The following ERCC2 variants were observed in gnomAD, a reference collection of about 807,000 sequenced individuals.
ERCC2 encodes the protein ERCC excision repair 2, TFIIH core complex helicase subunit.
In ERCC2, 90 loss-of-function variants were observed where a neutral mutation model predicts 99.4. The observed-to-expected ratio is 0.91, with a 90% CI of 0.76 to 1.08. The LOEUF (loss-of-function observed/expected upper bound fraction) is 1.08, where lower values mean the gene tolerates loss of function less well. ERCC2 is among the 50% of genes least tolerant of loss of function. The probability of loss-of-function intolerance (pLI) is 0.00; values close to 1 mark genes in which losing one functional copy is unlikely to be tolerated. For synonymous variants in ERCC2, 497 were observed against 432.4 expected (o/e 1.15, Z -1.85); for missense variants, 993 against 1,038.1 (o/e 0.96, Z 0.60).
At chr19:45,359,860 C>T (rs1972149733) in intron 12 of ERCC2, among the ~76,000 whole-genome samples, 3 of 150,850 alleles carry the variant, frequency 2.0e-5, no homozygotes, top group Admixed American at 6.6e-5. Context: ...CTGCAACCTC[C>T]GCCTCCCGGG....
intron 12 of ERCC2, chr19:45,358,837 T>C: frequency 1.3e-6 from 1 of 780,900 alleles, no homozygotes; most frequent in Non-Finnish European, 2.4e-6. Context: ...GGTTTTCCCA[T>C]CTGGAATATA....
intron 17 of ERCC2, among the ~76,000 whole-genome samples, chr19:45,354,430 G>A (rs1024302385): frequency 1.3e-5 from 2 of 152,210 alleles, no homozygotes; most frequent in African/African-American, 2.4e-5. Flanking sequence ...TAACAGGGAT[G>A]GGTAACCCCA....
chr19:45,361,816 T>C, intron 11 of ERCC2, 174 bp from the exon 12 acceptor site: 1 of 658,420 alleles, frequency 1.5e-6, no homozygotes, highest in Non-Finnish European at 2.8e-6. Context: ...TACACCTGCA[T>C]GTCACAAATA....
chr19:45,351,234 G>C lies in ERCC2; in HGVS notation c.*395C>G. On this transcript the variant is annotated 3_prime_UTR_variant, in exon 23 of 23. Transcript: ENST00000391945. ...CTGGACCTGGAGCTGGAGGGTGGAT[G>C]TAACACTTGCCCCTCACCTCCCCTC... 1 of 1,588,730 alleles carries C rather than the reference G, an allele frequency of 6.3e-7. No homozygotes were observed. Among genetic ancestry groups the C allele is most frequent in the Non-Finnish European group, 8.6e-7 (1 of 1,167,294 alleles).
chr19:45,350,700 G>GAAGCTGGTCT lies in ERCC2; in HGVS notation c.*919_*928dup, dbSNP rs1294836598. On this transcript the variant is annotated 3_prime_UTR_variant, in exon 23 of 23. Transcript: ENST00000391945. ...GTGAGTCTATCAGGCGAGGAAGTGA[G>GAAGCTGGTCT]AAGCTGGTCTCCCGGCTCCGAGGCG... is the stretch of plus-strand genomic sequence containing the variant. 1.2e-5 allele frequency: 19 copies of GAAGCTGGTCT among 1,613,636 alleles called. No individual in the cohort carries two copies. Among genetic ancestry groups the GAAGCTGGTCT allele is most frequent in the Non-Finnish European group, 1.6e-5 (19 of 1,179,944 alleles).
intron 15 of ERCC2, among the ~76,000 whole-genome samples, chr19:45,356,172 G>A (rs900966097): frequency 3.9e-5 from 6 of 152,070 alleles, no homozygotes; most frequent in East Asian, 1.9e-4. Flanking sequence ...GCCGGATCCC[G>A]AAGAACACCC....
rs201544860 is a variant in ERCC2, at chr19:45,364,590, A to AACCCCT, written c.595-49_595-44dup. 1.4e-4 allele frequency: 230 copies of AACCCCT among 1,608,740 alleles called. 2 individuals are homozygous for AACCCCT. The South Asian group carries it at 2.3e-3, about 16-fold the overall frequency. ...AGGGTTACCAGGGCCCTGCCACCCC[A>AACCCCT]ACCCCTACCCCTACCCCTGGCCACA... is the stretch of plus-strand genomic sequence containing the variant. On this transcript the variant is annotated intron_variant, in intron 7 of 22. Coordinates refer to ENST00000391945, the MANE Select transcript of ERCC2 (RefSeq NM_000400.4).
rs1313908039 is a variant in ERCC2, at chr19:45,354,793, G to A, written c.1602C>T (p.Gly534=). The change falls in exon 17 of 23, where the codon GGC becomes GGT. Residue 534 remains glycine (G), a synonymous_variant. Coordinates refer to ENST00000391945, the MANE Select transcript of ERCC2 (RefSeq NM_000400.4). ...LLEMSAVVPD[G]IVAFFTSYQY... ...GGTAGCTGGTGAAGAAGGCCACGAT[G>A]CCATCAGGGACCACAGCGGACATCT... 6 of 1,614,130 alleles carry A rather than the reference G, an allele frequency of 3.7e-6. No individual in the cohort carries two copies. Among genetic ancestry groups the A allele is most frequent in the Non-Finnish European group, 3.4e-6 (4 of 1,179,980 alleles).
chr19:45,355,813 GCTT>G (rs1443108646), intron 15 of ERCC2, 85 bp from the exon 16 acceptor site: 5 of 827,014 alleles, frequency 6.0e-6, no homozygotes, highest in Non-Finnish European at 7.5e-6. Flanking sequence ...GCTGTTCTAA[GCTT>G]TTTTTTTTTT....
At chr19:45,358,859 G>T (rs370112245) in intron 12 of ERCC2, 8 of 780,862 alleles carry the variant, frequency 1.0e-5, no homozygotes. Context: ...GTTCTGGGGG[G>T]TTAGGGATGA....
rs1972054782 is a variant in ERCC2, at chr19:45,357,555, T to C, written c.1308-12A>G. On this transcript the variant is annotated splice_polypyrimidine_tract_variant and intron_variant, in intron 13 of 22. Transcript: ENST00000391945. ...AGGCGTCCATGCAGCTGGAGAGAGA[T>C]GAGGGCAGTGAGGGCCCGGGGGGCT... 1.2e-6 allele frequency: 2 copies of C among 1,613,970 alleles called. No homozygotes were observed. The highest frequency in any genetic ancestry group is 4.5e-5 in the East Asian group (2 of 44,876).
At chr19:45,351,841 G>A in intron 22 of ERCC2, 120 bp from the exon 23 acceptor site, 5 of 873,992 alleles carry the variant, frequency 5.7e-6, no homozygotes, top group Admixed American at 4.2e-5. Flanking sequence ...GAATGAATTT[G>A]GAGATGTCCG....
chr19:45,355,833 T>A (rs1372673450), intron 15 of ERCC2, 105 bp from the exon 16 acceptor site: 110 of 695,688 alleles, frequency 1.6e-4, no homozygotes, highest in Non-Finnish European at 2.1e-4. Flanking sequence ...TTTTTTTTTT[T>A]AAAGAGAGAC....
chr19:45,369,199 A>G, intron 2 of ERCC2, 52 bp from the exon 3 acceptor site: 2 of 1,498,478 alleles, frequency 1.3e-6, no homozygotes, highest in African/African-American at 2.8e-5. Flanking sequence ...AACCTTGGGC[A>G]CACAAACTCT....
In ERCC2 at chr19:45,352,161, G is replaced by A. The variant is rs373293132; in HGVS notation, c.2190+48C>T. On this transcript the variant is annotated intron_variant, in intron 22 of 22. Transcript: ENST00000391945. ...GGAGAATCCAAGGGGACTTTCTGGA[G>A]GAGAAGCTCAGCCTGGGAGGGTGCC... The A allele has an allele frequency of 2.1e-5, 34 of 1,605,192 alleles. No individual in the cohort carries two copies. In the Admixed American group the frequency reaches 4.1e-4, roughly 19 times the overall value.
intron 5 of ERCC2, among the ~76,000 whole-genome samples, chr19:45,365,962 G>C (rs796840100): frequency 6.6e-6 from 1 of 151,876 alleles, no homozygotes; most frequent in Non-Finnish European, 1.5e-5. Context: ...TCAGCCTCCC[G>C]AGTAGCTGCG....
At chr19:45,358,767 CATG>C (rs1433431785) in intron 12 of ERCC2, 1 of 762,600 alleles carries the variant, frequency 1.3e-6, no homozygotes, top group Non-Finnish European at 2.4e-6. Context: ...TATTTTTTTT[CATG>C]ATAACTGTCA....
chr19:45,357,352 A>C lies in ERCC2; in HGVS notation c.1397T>G (p.Ile466Ser), dbSNP rs762354840. The change falls in exon 15 of 23, where the codon ATC (isoleucine) becomes AGC (serine). Residue 466 changes from isoleucine to serine, a missense_variant. This residue lies in a region of ERCC2 where 909 missense variants were observed against 930.8 expected (regional missense o/e 0.98). Coordinates refer to ENST00000391945, the MANE Select transcript of ERCC2 (RefSeq NM_000400.4). ...GTGGAAGTCCAGGATCTTGGGGTAG[A>C]TGTCCAGCGGGGACAGTGTCTGTGG... ...ITSGTLSPLD[I>S]YPKILDFHPV... The C allele has an allele frequency of 6.2e-7, 1 of 1,614,038 alleles. No individual in the cohort carries two copies. The highest frequency in any genetic ancestry group is 1.3e-5 in the African/African-American group (1 of 75,054).
intron 11 of ERCC2, among the ~76,000 whole-genome samples, chr19:45,363,523 G>A (rs1972299038): frequency 6.6e-6 from 1 of 152,134 alleles, no homozygotes; most frequent in South Asian, 2.1e-4. Flanking sequence ...ATCCAGCCAG[G>A]TGTTGCCTGC....
Sources: allele counts gnomAD v4.1 joint callset (sites outside exome capture counted in the v4.1 genomes callset), GRCh38; gene constraint gnomAD v4.1.1; regional missense constraint gnomAD v4.1.1; transcripts MANE v1.5; gene names NCBI Gene and HGNC (gene_info 2026-07-23, HGNC 2026-07-21).